The following THSD7B variants were observed in gnomAD, a reference collection of about 807,000 sequenced individuals.
The protein encoded by THSD7B is thrombospondin type 1 domain containing 7B.
Under a neutral mutation model 213.6 loss-of-function variants are expected in THSD7B, and 138 were observed. That is an observed-to-expected ratio of 0.65 (90% CI 0.56 to 0.74). THSD7B has a LOEUF of 0.74. Ranked by LOEUF, THSD7B falls within the 30% of genes least tolerant of loss-of-function variation. THSD7B has a pLI of 0.00. For missense variants in THSD7B, 1,931 were observed against 1,991.5 expected, an observed-to-expected ratio of 0.97 and a Z score of 0.58; for synonymous variants, 742 against 687.0, an observed-to-expected ratio of 1.08 and a Z score of -1.25.
chr2:137,285,605 A>G (rs554352022), intron 12 of THSD7B, among the ~76,000 whole-genome samples: 37 of 148,104 alleles, frequency 2.5e-4, no homozygotes, highest in Admixed American at 1.9e-3. Context: ...TTTAGAAAAG[A>G]TGGAATTAGA....
At chr2:136,877,985 T>C (rs1309634410) in intron 1 of THSD7B, among the ~76,000 whole-genome samples, 1 of 152,120 alleles carries the variant, frequency 6.6e-6, no homozygotes, top group African/African-American at 2.4e-5. Context: ...GTTTGTTACA[T>C]ATGTATACAT....
intron 7 of THSD7B, among the ~76,000 whole-genome samples, chr2:137,210,718 CATT>C (rs1393546864): frequency 6.6e-6 from 1 of 151,924 alleles, no homozygotes; most frequent in Non-Finnish European, 1.5e-5. Flanking sequence ...CACCAATAAA[CATT>C]AATTTCTTCT....
At chr2:137,099,406 A>G (rs749763575) in intron 4 of THSD7B, among the ~76,000 whole-genome samples, 5 of 152,200 alleles carry the variant, frequency 3.3e-5, no homozygotes, top group Non-Finnish European at 7.4e-5. Flanking sequence ...AAAGAAAGAC[A>G]AAGAACGTAG....
At chr2:137,598,364 A>T (rs1166872286) in intron 17 of THSD7B, among the ~76,000 whole-genome samples, 1 of 152,138 alleles carries the variant, frequency 6.6e-6, no homozygotes, top group African/African-American at 2.4e-5. Context: ...GAGCTAGCAA[A>T]ATTTTAGCAA....
At chr2:136,819,748 C>G (rs975653235) in intron 1 of THSD7B, among the ~76,000 whole-genome samples, 1 of 152,080 alleles carries the variant, frequency 6.6e-6, no homozygotes, top group African/African-American at 2.4e-5. Context: ...TTATATTGGC[C>G]AATGCATTTC....
At chr2:137,179,624 A>T (rs1465859592) in intron 7 of THSD7B, among the ~76,000 whole-genome samples, 3 of 151,688 alleles carry the variant, frequency 2.0e-5, no homozygotes, top group East Asian at 1.9e-4. Flanking sequence ...AAAATCAATA[A>T]TTTTTTTTAC....
At chr2:137,673,935 C>T (rs530476221) in intron 27 of THSD7B, among the ~76,000 whole-genome samples, 57 of 152,342 alleles carry the variant, frequency 3.7e-4, no homozygotes, top group African/African-American at 1.3e-3. Flanking sequence ...ATCCCCAGCA[C>T]ACCACATGGC....
At chr2:137,449,188 C>T (rs1305381068) in intron 14 of THSD7B, among the ~76,000 whole-genome samples, 2 of 151,828 alleles carry the variant, frequency 1.3e-5, no homozygotes, top group Admixed American at 6.6e-5. Flanking sequence ...TTATTCTGGG[C>T]CAGAAATGGT....
intron 5 of THSD7B, among the ~76,000 whole-genome samples, chr2:137,117,047 G>GTAT (rs1452286740): frequency 1.3e-5 from 2 of 152,172 alleles, no homozygotes; most frequent in African/African-American, 4.8e-5. Flanking sequence ...TAACACGACT[G>GTAT]TATACTCCTG....
At chr2:137,129,485 G>T (rs1688688260) in intron 5 of THSD7B, among the ~76,000 whole-genome samples, 1 of 151,760 alleles carries the variant, frequency 6.6e-6, no homozygotes, top group South Asian at 2.1e-4. Flanking sequence ...TGTCACCCAG[G>T]CTGGAGTGTG....
At chr2:137,362,721 C>A (rs1459233998) in intron 12 of THSD7B, among the ~76,000 whole-genome samples, 3 of 152,148 alleles carry the variant, frequency 2.0e-5, no homozygotes, top group Non-Finnish European at 4.4e-5. Flanking sequence ...TACAGGAGCA[C>A]CCAGATTCAT....
chr2:137,363,868 G>C (rs140431791), intron 12 of THSD7B, among the ~76,000 whole-genome samples: 10 of 152,126 alleles, frequency 6.6e-5, no homozygotes, highest in African/African-American at 2.4e-4. Context: ...GAAAAAGGGG[G>C]AATCCCCCCT....
chr2:137,033,982 C>T (rs1262730214), intron 2 of THSD7B, among the ~76,000 whole-genome samples: 1 of 150,596 alleles, frequency 6.6e-6, no homozygotes, highest in Non-Finnish European at 1.5e-5. Context: ...TGATGTTCCA[C>T]CTCCCGCCCC....
At chr2:136,788,192 A>G (rs1043277809) in intron 1 of THSD7B, among the ~76,000 whole-genome samples, 2 of 152,222 alleles carry the variant, frequency 1.3e-5, no homozygotes, top group East Asian at 3.8e-4. Flanking sequence ...CTGCTAACCC[A>G]GAATGGGGTT....
intron 12 of THSD7B, among the ~76,000 whole-genome samples, chr2:137,290,155 A>G (rs1266665245): frequency 7.0e-6 from 1 of 143,854 alleles, no homozygotes; most frequent in African/African-American, 2.6e-5. Flanking sequence ...TCTGTTGTCC[A>G]GGCTGTAGAG....
At chr2:136,816,784 G>A (rs1489717295) in intron 1 of THSD7B, among the ~76,000 whole-genome samples, 9 of 152,218 alleles carry the variant, frequency 5.9e-5, no homozygotes, top group Admixed American at 5.2e-4. Context: ...TATCCTTATG[G>A]CTGAGAAAGG....
At chr2:137,620,066 T>C (rs1573747298) in intron 19 of THSD7B, among the ~76,000 whole-genome samples, 1 of 152,222 alleles carries the variant, frequency 6.6e-6, no homozygotes, top group Admixed American at 6.5e-5. Context: ...TTTGCCAAGA[T>C]GCTGGTTTCA....
chr2:137,662,271 A>T, intron 25 of THSD7B, among the ~76,000 whole-genome samples: 1 of 125,870 alleles, frequency 7.9e-6, no homozygotes, highest in South Asian at 2.7e-4. Flanking sequence ...TTTTTGGTAG[A>T]GACAGGTTTC....
chr2:137,012,118 ACAAT>A (rs1686242125), intron 2 of THSD7B, among the ~76,000 whole-genome samples: 2 of 152,352 alleles, frequency 1.3e-5, no homozygotes, highest in East Asian at 1.9e-4. Flanking sequence ...AATCTTCACA[ACAAT>A]CAATCATTTT....
Sources: gnomAD v4.1 joint callset for allele counts (sites outside exome capture counted in the v4.1 genomes callset) on GRCh38, gnomAD v4.1.1 for gene constraint, MANE v1.5 for transcripts, NCBI Gene and HGNC (gene_info 2026-07-23, HGNC 2026-07-21) for gene names.